The following ZFAND6 variants were observed in gnomAD, a reference collection of about 807,000 sequenced individuals.
ZFAND6 encodes the protein AN1-type zinc finger protein 6.
Under a neutral mutation model 24.5 loss-of-function variants are expected in ZFAND6, and 12 were observed. That is an observed-to-expected ratio of 0.49 (90% CI 0.31 to 0.79). The LOEUF is 0.79. ZFAND6 is among the 30% of genes least tolerant of loss of function. ZFAND6 has a pLI of 0.04. For synonymous variants in ZFAND6, 92 were observed against 81.5 expected (o/e 1.13, Z -0.69); for missense variants, 207 against 245.9 (o/e 0.84, Z 1.06).
At chr15:80,112,986 G>C in intron 2 of ZFAND6, 1 of 388,142 alleles carries the variant, frequency 2.6e-6, no homozygotes, top group Middle Eastern at 4.7e-4. Context: ...GTTTTCCAGT[G>C]ATTTGAAAAA....
intron 2 of ZFAND6, among the ~76,000 whole-genome samples, chr15:80,113,305 A>C (rs755706651): frequency 6.6e-6 from 1 of 152,196 alleles, no homozygotes; most frequent in Non-Finnish European, 1.5e-5. Context: ...CTATTTTTCA[A>C]CAGAAGAAAT....
intron 3 of ZFAND6, among the ~76,000 whole-genome samples, chr15:80,121,468 C>T (rs1159756982): frequency 6.6e-6 from 1 of 152,088 alleles, no homozygotes; most frequent in Non-Finnish European, 1.5e-5. Context: ...GCTATTCAGT[C>T]CTAAGAAATA....
chr15:80,118,554 ATGTG>A (rs1212187200), intron 2 of ZFAND6, among the ~76,000 whole-genome samples: 1 of 152,122 alleles, frequency 6.6e-6, no homozygotes, highest in South Asian at 2.1e-4. Flanking sequence ...TTAATGTGAT[ATGTG>A]TGTGTATGTA....
At chr15:80,091,139 T>C (rs1000362677) in intron 1 of ZFAND6, among the ~76,000 whole-genome samples, 4 of 149,226 alleles carry the variant, frequency 2.7e-5, no homozygotes, top group African/African-American at 9.9e-5. Flanking sequence ...TAGTATCATA[T>C]TTTCTATTTA....
intron 2 of ZFAND6, among the ~76,000 whole-genome samples, chr15:80,115,690 T>C (rs758751565): frequency 6.6e-6 from 1 of 152,116 alleles, no homozygotes; most frequent in Non-Finnish European, 1.5e-5. Flanking sequence ...TAAGACTGAT[T>C]CTTTTTTTTT....
At chr15:80,120,581 T>C (rs935026935) in intron 3 of ZFAND6, 83 bp downstream of exon 3, 1 of 1,165,854 alleles carries the variant, frequency 8.6e-7, no homozygotes, top group Non-Finnish European at 1.1e-6. Context: ...CTTTTTCTGC[T>C]CTCACATTAT....
At chr15:80,059,023 C>A (rs2036190211), upstream of ZFAND6, among the ~76,000 whole-genome samples, 2 of 152,266 alleles carry the variant, frequency 1.3e-5, no homozygotes. Flanking sequence ...CAGGCTGGAA[C>A]TGGGGGTGCT....
intron 1 of ZFAND6, among the ~76,000 whole-genome samples, chr15:80,064,891 C>T (rs1596170832): frequency 6.6e-6 from 1 of 151,956 alleles, no homozygotes; most frequent in Admixed American, 6.5e-5. Flanking sequence ...CTTGGCCTCC[C>T]TAAGTGCTGG....
intron 1 of ZFAND6, among the ~76,000 whole-genome samples, chr15:80,084,132 T>A (rs1050303041): frequency 3.3e-5 from 5 of 152,146 alleles, no homozygotes; most frequent in Admixed American, 1.3e-4. Flanking sequence ...TCTTATGAAG[T>A]CTGTTTAAGC....
chr15:80,084,179 A>C lies in ZFAND6; in HGVS notation c.-180-14237A>C, dbSNP rs184956073. 7.9e-5 allele frequency among the ~76,000 whole-genome samples: 12 copies of C among 152,208 alleles called. No homozygotes were observed. In the East Asian group the frequency reaches 1.3e-3, roughly 17 times the overall value. Reference sequence around the variant, plus strand: ...TTAGGCATGATTACAGCACACACATAGTTGCTGCAAATCAGTTCAGAGAGG... The same window carrying C: ...TTAGGCATGATTACAGCACACACATCGTTGCTGCAAATCAGTTCAGAGAGG... On this transcript the variant is annotated intron_variant, in intron 1 of 6. Transcript: ENST00000261749.
intron 2 of ZFAND6, among the ~76,000 whole-genome samples, chr15:80,106,127 G>A (rs1336081635): frequency 6.6e-6 from 1 of 152,196 alleles, no homozygotes; most frequent in Non-Finnish European, 1.5e-5. Flanking sequence ...GGTACGATAA[G>A]TTTATCAAGA....
At chr15:80,076,115 C>T (rs898412099) in intron 1 of ZFAND6, among the ~76,000 whole-genome samples, 5 of 152,124 alleles carry the variant, frequency 3.3e-5, no homozygotes, top group African/African-American at 1.2e-4. Context: ...TTGTTCTTAA[C>T]TCTTCTCTAG....
chr15:80,098,326 G>A (rs1441298312), intron 1 of ZFAND6, 90 bp from the exon 2 acceptor site: 1 of 152,088 alleles, frequency 6.6e-6, no homozygotes, highest in Non-Finnish European at 1.5e-5. Context: ...AGCTATAATA[G>A]CGAAAGCACT....
At chr15:80,080,855 C>G (rs543324111) in intron 1 of ZFAND6, among the ~76,000 whole-genome samples, 4 of 152,176 alleles carry the variant, frequency 2.6e-5, no homozygotes, top group Non-Finnish European at 5.9e-5. Context: ...GTACCACACA[C>G]TTTTAAGCAG....
chr15:80,078,187 T>C (rs2037407976), intron 1 of ZFAND6, among the ~76,000 whole-genome samples: 1 of 152,182 alleles, frequency 6.6e-6, no homozygotes, highest in Non-Finnish European at 1.5e-5. Flanking sequence ...TAGGTGTTAA[T>C]AGTTTTTCAA....
chr15:80,089,667 G>A (rs74596404), intron 1 of ZFAND6, among the ~76,000 whole-genome samples: 16 of 152,212 alleles, frequency 1.1e-4, no homozygotes, highest in African/African-American at 3.9e-4. Flanking sequence ...CACTTGTATA[G>A]ACTCCATTGC....
At chr15:80,105,898 A>G (rs922503049) in intron 2 of ZFAND6, among the ~76,000 whole-genome samples, 3 of 152,176 alleles carry the variant, frequency 2.0e-5, no homozygotes, top group African/African-American at 7.2e-5. Context: ...ATATACCTCT[A>G]TGAAGTGAGA....
At chr15:80,070,546 A>C (rs2036917873) in intron 1 of ZFAND6, among the ~76,000 whole-genome samples, 1 of 152,196 alleles carries the variant, frequency 6.6e-6, no homozygotes, top group Non-Finnish European at 1.5e-5. Context: ...CTAAAATGGT[A>C]ATCATCTTGA....
chr15:80,138,252 C>T lies in ZFAND6; in HGVS notation c.*624C>T, dbSNP rs533258854. On this transcript the variant is annotated 3_prime_UTR_variant, in exon 7 of 7. Transcript: ENST00000261749. Reference sequence around the variant, plus strand: ...AGAAAAAGCTGTATGCATTTCATTGCTGTCTACAGGTTTCTTTCAGATTAT... The same window carrying T: ...AGAAAAAGCTGTATGCATTTCATTGTTGTCTACAGGTTTCTTTCAGATTAT... 1 of 152,686 alleles carries T rather than the reference C, an allele frequency of 6.5e-6. No homozygotes were observed. Among genetic ancestry groups the T allele is most frequent in the Non-Finnish European group, 1.5e-5 (1 of 68,022 alleles). The allele number at this position is 152,686 out of a possible 1,614,324, so 9.5% of individuals were successfully genotyped here. A position where few individuals can be genotyped will look rare whatever the true frequency, so the allele number is the denominator to read the frequency against.
Sources: allele counts gnomAD v4.1 joint callset (sites outside exome capture counted in the v4.1 genomes callset), GRCh38; gene constraint gnomAD v4.1.1; transcripts MANE v1.5; gene names NCBI Gene and HGNC (gene_info 2026-07-23, HGNC 2026-07-21).